Variants in STK33 observed in about 807,000 individuals in gnomAD.
STK33 encodes serine/threonine kinase 33, also known as serine/threonine-protein kinase 33.
A neutral mutation model predicts 58.0 loss-of-function variants in STK33; 52 were observed. That is an observed-to-expected ratio of 0.90 (90% CI 0.72 to 1.13). The LOEUF (loss-of-function observed/expected upper bound fraction) is 1.13. Among genes scored for constraint, STK33 ranks in the 50% most tolerant of loss-of-function variants. The pLI is 0.00. For missense variants in STK33, 630 were observed against 604.2 expected (o/e 1.04, Z -0.45); for synonymous variants, 215 against 200.1 (o/e 1.07, Z -0.63).
Position 8,553,065 on chromosome 11 carries a change from AG to A in STK33, c.-466+41017del, listed in dbSNP as rs201244675. Among the ~76,000 whole-genome samples, 831 of 150,446 alleles carry A rather than the reference AG, an allele frequency of 5.5e-3. 4 individuals are homozygous for A. The highest frequency in any genetic ancestry group is 8.7e-3 in the Admixed American group (131 of 15,060). ...CAGATACTCAGGAAGCTGAGGCAGG[AG>A]GATCACTTGAATCCAGGAGTTCAAG... On this transcript the variant is annotated intron_variant, in intron 1 of 15. Coordinates refer to ENST00000687296, the MANE Select transcript of STK33 (RefSeq NM_001352389.2).
intron 4 of STK33, among the ~76,000 whole-genome samples, chr11:8,476,461 T>A (rs558694375): frequency 6.6e-6 from 1 of 152,252 alleles, no homozygotes; most frequent in East Asian, 1.9e-4. Context: ...CCTCTCAGCT[T>A]TCATATCTCC....
intron 1 of STK33, among the ~76,000 whole-genome samples, chr11:8,519,744 C>A (rs9667977): frequency 2.6e-5 from 4 of 151,834 alleles, no homozygotes; most frequent in African/African-American, 9.7e-5. Flanking sequence ...AAAATCTAGA[C>A]GAAATGGATA....
chr11:8,543,036 A>C (rs1955644164), intron 1 of STK33, among the ~76,000 whole-genome samples: 1 of 152,060 alleles, frequency 6.6e-6, no homozygotes, highest in South Asian at 2.1e-4. Context: ...ATAGCTTCTT[A>C]TTATCTCCAT....
chr11:8,550,341 A>G (rs1244635283), intron 1 of STK33, among the ~76,000 whole-genome samples: 3 of 151,690 alleles, frequency 2.0e-5, no homozygotes, highest in Non-Finnish European at 4.4e-5. Flanking sequence ...CTTTCCTTCT[A>G]CTAATATATT....
chr11:8,375,895 G>A, the STK33 span, among the ~76,000 whole-genome samples: 1 of 152,292 alleles, frequency 6.6e-6, no homozygotes, highest in South Asian at 2.1e-4. Flanking sequence ...GGGCAAATTG[G>A]AAAAGAGTCT....
At chr11:8,527,245 G>A (rs527499614) in intron 1 of STK33, among the ~76,000 whole-genome samples, 1 of 152,136 alleles carries the variant, frequency 6.6e-6, no homozygotes, top group African/African-American at 2.4e-5. Context: ...CAAAGTGCTG[G>A]GCTTACAGGC....
In STK33 at chr11:8,461,719, GC is replaced by G. The variant is rs1374482062; in HGVS notation, c.558+85del. 1.5e-5 allele frequency: 16 copies of G among 1,054,614 alleles called. No individual in the cohort carries two copies. In the African/African-American group the frequency reaches 2.5e-4, roughly 16 times the overall value. The allele number at this position is 1,054,614 out of a possible 1,614,324, so 65.3% of individuals were successfully genotyped here. On this transcript the variant is annotated intron_variant, in intron 8 of 15. Transcript: ENST00000687296. ...CATGGCCAAGGACATGAGCAACTGT[GC>G]CCCAAAGGGATTATTTCAGAATGGA...
chr11:8,348,959 C>G, the STK33 span, among the ~76,000 whole-genome samples: 8 of 152,150 alleles, frequency 5.3e-5, no homozygotes, highest in African/African-American at 1.9e-4. Context: ...GGTGTCTGAC[C>G]TTGAGTAAGT....
chr11:8,476,472 T>C (rs1328648233), intron 4 of STK33, among the ~76,000 whole-genome samples: 1 of 152,194 alleles, frequency 6.6e-6, no homozygotes, highest in Non-Finnish European at 1.5e-5. Flanking sequence ...TCATATCTCC[T>C]TTCTCTCAGA....
At chr11:8,372,137 G>A in the STK33 span, among the ~76,000 whole-genome samples, 1 of 152,076 alleles carries the variant, frequency 6.6e-6, no homozygotes, top group African/African-American at 2.4e-5. Flanking sequence ...CAAAGTGCTG[G>A]GATTACAGGT....
intron 15 of STK33, among the ~76,000 whole-genome samples, chr11:8,396,403 T>C (rs1009625124): frequency 6.6e-6 from 1 of 152,248 alleles, no homozygotes; most frequent in Admixed American, 6.5e-5. Context: ...TTACCATTTC[T>C]CTCTTTACTA....
intron 1 of STK33, among the ~76,000 whole-genome samples, chr11:8,576,002 T>C (rs1470796200): frequency 1.3e-5 from 2 of 152,076 alleles, no homozygotes; most frequent in East Asian, 3.8e-4. Context: ...AAGAGGGAGA[T>C]ATTAAGAAGA....
downstream of STK33, among the ~76,000 whole-genome samples, chr11:8,387,669 A>G (rs1347430217): frequency 6.6e-6 from 1 of 152,182 alleles, no homozygotes; most frequent in Admixed American, 6.5e-5. Flanking sequence ...CCAGCTTGCA[A>G]AAAGACTTTG....
intron 1 of STK33, among the ~76,000 whole-genome samples, chr11:8,591,937 G>A (rs1442455008): frequency 1.3e-5 from 2 of 151,622 alleles, no homozygotes; most frequent in South Asian, 2.1e-4. Flanking sequence ...GTATACATAT[G>A]GAACTAACCT....
At chr11:8,401,438 C>T (rs190120270) in intron 15 of STK33, among the ~76,000 whole-genome samples, 33,969 of 152,036 alleles carry the variant, frequency 0.22, 4,127 homozygotes, top group South Asian at 0.36. Flanking sequence ...GAAACTGGAT[C>T]CCTTCCTTAC....
At chr11:8,428,118 C>CT (rs1942990586) in intron 14 of STK33, among the ~76,000 whole-genome samples, 1 of 152,204 alleles carries the variant, frequency 6.6e-6, no homozygotes, top group Admixed American at 6.5e-5. Context: ...GAGAAATAAT[C>CT]TGAGGAGGAG....
At chr11:8,386,926 C>T (rs750972705), downstream of STK33, among the ~76,000 whole-genome samples, 5 of 152,242 alleles carry the variant, frequency 3.3e-5, no homozygotes, top group Middle Eastern at 3.4e-3. Flanking sequence ...TGGTAAGCAT[C>T]GATCTGTCAT....
the STK33 span, among the ~76,000 whole-genome samples, chr11:8,374,997 A>G: frequency 6.6e-6 from 1 of 152,236 alleles, no homozygotes; most frequent in African/African-American, 2.4e-5. Flanking sequence ...AACAGATAAC[A>G]TTTCCTCCAT....
chr11:8,400,916 G>A (rs537687184), intron 15 of STK33, among the ~76,000 whole-genome samples: 3 of 152,286 alleles, frequency 2.0e-5, no homozygotes, highest in Admixed American at 2.0e-4. Context: ...TACAAGGGAT[G>A]TGAAGGACCT....
Sources: gnomAD v4.1 joint callset for allele counts (sites outside exome capture counted in the v4.1 genomes callset) on GRCh38, gnomAD v4.1.1 for gene constraint, MANE v1.5 for transcripts, NCBI Gene and HGNC (gene_info 2026-07-23, HGNC 2026-07-21) for gene names.